DEK: variants seen among roughly 807,000 people sequenced by gnomAD.
DEK encodes the protein protein DEK.
DEK carries 28 observed loss-of-function variants against 46.8 expected under a neutral mutation model. That is an observed-to-expected ratio of 0.60 (90% confidence interval 0.44 to 0.82). The LOEUF is 0.82. Ranked by LOEUF, DEK falls within the 40% of genes least tolerant of loss-of-function variation. The pLI is 0.00. For missense variants in DEK, 416 were observed against 430.6 expected, an observed-to-expected ratio of 0.97 and a Z score of 0.30; for synonymous variants, 160 against 144.5, an observed-to-expected ratio of 1.11 and a Z score of -0.77.
At chr6:18,258,501 A>G (rs1176812254) in intron 2 of DEK, 96 bp from the exon 3 acceptor site, 7 of 828,290 alleles carry the variant, frequency 8.5e-6, no homozygotes, top group African/African-American at 1.8e-5. Context: ...CCAAAACCTA[A>G]TACTTTATTC....
intron 9 of DEK, among the ~76,000 whole-genome samples, chr6:18,231,720 T>C (rs567464285): frequency 1.4e-4 from 21 of 152,266 alleles, no homozygotes; most frequent in Non-Finnish European, 2.6e-4. Context: ...AGGCAATAAT[T>C]AACAGCCTAC....
chr6:18,259,430 A>AAAAAAAAAAAAAAAAAAAAAAAT (rs1554162685), intron 2 of DEK, among the ~76,000 whole-genome samples: 3 of 96,742 alleles, frequency 3.1e-5, no homozygotes, highest in South Asian at 2.9e-4. Context: ...AAAAAAAAAA[A>AAAAAAAAAAAAAAAAAAAAAAAT]AAATCTAGAA....
At chr6:18,236,346 C>A in intron 9 of DEK, 106 bp downstream of exon 9, 1 of 1,252,232 alleles carries the variant, frequency 8.0e-7, no homozygotes, top group African/African-American at 1.5e-5. Context: ...TTCAATAAAT[C>A]TTTCTTCAAT....
At chr6:18,242,254 T>C (rs112053614) in intron 7 of DEK, among the ~76,000 whole-genome samples, 85 of 152,242 alleles carry the variant, frequency 5.6e-4, no homozygotes, top group African/African-American at 1.9e-3. Flanking sequence ...ACCCAGCTAC[T>C]AGGGTGGCTG....
intron 9 of DEK, among the ~76,000 whole-genome samples, chr6:18,232,642 C>G (rs1790460673): frequency 6.6e-6 from 1 of 152,080 alleles, no homozygotes; most frequent in South Asian, 2.1e-4. Flanking sequence ...ACCTAGGAAT[C>G]CAACTTAACA....
At chr6:18,254,968 T>C (rs902450310) in intron 6 of DEK, among the ~76,000 whole-genome samples, 5 of 152,200 alleles carry the variant, frequency 3.3e-5, no homozygotes, top group African/African-American at 9.6e-5. Context: ...TTTTGATTAA[T>C]GCCATCTCCC....
At position 18,263,996 on chromosome 6, in the gene DEK, C is replaced by T. The variant is rs200774428; in HGVS notation, c.-9G>A. On this transcript the variant is annotated splice_region_variant and 5_prime_UTR_variant, in exon 2 of 11. Transcript: ENST00000652689. ...GGGGCCGAGGCGGACATGCTGTGAA[C>T]CTGCATGCGGGAAGAAAGCCGGACG... 2 of 1,595,042 alleles carry T rather than the reference C, an allele frequency of 1.3e-6. No homozygotes were observed. Among genetic ancestry groups the T allele is most frequent in the African/African-American group, 1.4e-5 (1 of 73,968 alleles).
chr6:18,263,810 A>G, intron 2 of DEK, 33 bp downstream of exon 2: 2 of 1,611,046 alleles, frequency 1.2e-6, no homozygotes, highest in Non-Finnish European at 1.7e-6. Context: ...TTCGGTCTGA[A>G]AAATTCATCA....
chr6:18,226,505 G>A (rs553013294), intron 9 of DEK, among the ~76,000 whole-genome samples: 1 of 152,340 alleles, frequency 6.6e-6, no homozygotes, highest in Admixed American at 6.5e-5. Flanking sequence ...CAAGCCAGAT[G>A]TGATGGCTCA....
At chr6:18,235,680 G>T (rs1008872894) in intron 9 of DEK, among the ~76,000 whole-genome samples, 2 of 152,238 alleles carry the variant, frequency 1.3e-5, no homozygotes, top group Non-Finnish European at 2.9e-5. Context: ...GTAGAGACGG[G>T]ATCTCACTAT....
chr6:18,256,119 C>A (rs915121018), intron 5 of DEK, among the ~76,000 whole-genome samples: 2 of 152,044 alleles, frequency 1.3e-5, no homozygotes, highest in African/African-American at 2.4e-5. Flanking sequence ...TCCCAAGTAG[C>A]TGGGATTACA....
chr6:18,247,682 T>C (rs1027623606), intron 7 of DEK, among the ~76,000 whole-genome samples: 3 of 152,180 alleles, frequency 2.0e-5, no homozygotes, highest in African/African-American at 4.8e-5. Flanking sequence ...GCTCTCGTTT[T>C]TTTTTTTTGA....
Position 18,263,983 on chromosome 6 carries a change from G to A in DEK, c.5C>T (p.Ser2Phe), listed in dbSNP as rs1398996657. The A allele has an allele frequency of 1.2e-6, 2 of 1,608,394 alleles. No individual in the cohort carries two copies. The highest frequency in any genetic ancestry group is 8.5e-7 in the Non-Finnish European group (1 of 1,177,926). ...CCCCTCCGCAGCAGGGGCCGAGGCG[G>A]ACATGCTGTGAACCTGCATGCGGGA... The part of the protein sequence containing the change: M[S>F]ASAPAAEGEG... Residue 2 changes from serine (S) to phenylalanine (F), a missense_variant, in exon 2 of 11, where the codon TCC becomes TTC. Physicochemically the swap from Ser to Phe is radical, Grantham distance 155. Coordinates refer to ENST00000652689, the MANE Select transcript of DEK (RefSeq NM_003472.4).
At position 18,226,290 on chromosome 6, in the gene DEK, T is replaced by A. The variant is rs768115842; in HGVS notation, c.1048-48A>T. 4.7e-6 allele frequency: 6 copies of A among 1,283,186 alleles called. No homozygotes were observed. In the South Asian group the frequency reaches 7.9e-5, roughly 17 times the overall value. The allele number at this position is 1,283,186 out of a possible 1,614,324, so 79.5% of individuals were successfully genotyped here. The stretch of plus-strand genomic sequence containing the variant: ...ATAATGTTAAAAGCAGATTTTAAAA[T>A]CCAGTAATATTGTCTTTGAATAAAA... On this transcript the variant is annotated intron_variant, in intron 9 of 10. Transcript: ENST00000652689.
At chr6:18,242,837 C>G (rs1207039) in intron 7 of DEK, among the ~76,000 whole-genome samples, 1 of 152,104 alleles carries the variant, frequency 6.6e-6, no homozygotes, top group South Asian at 2.1e-4. Flanking sequence ...GTTGAGGTTT[C>G]TAAGATCTAT....
intron 8 of DEK, chr6:18,237,073 A>T (rs1362088340): frequency 4.2e-6 from 1 of 235,884 alleles, no homozygotes; most frequent in Non-Finnish European, 8.1e-6. Context: ...TAATTTATTT[A>T]GTTAAAATAT....
chr6:18,236,353 C>A, intron 9 of DEK, 99 bp downstream of exon 9: 2 of 1,311,816 alleles, frequency 1.5e-6, no homozygotes, highest in South Asian at 2.7e-5. Flanking sequence ...AATCTTTCTT[C>A]AATAAGTGAA....
chr6:18,247,272 G>GA (rs113415735), intron 7 of DEK, among the ~76,000 whole-genome samples: 146 of 151,094 alleles, frequency 9.7e-4, no homozygotes, highest in African/African-American at 3.4e-3. Flanking sequence ...ATTTATCAGG[G>GA]AAAAAAAAGG....
chr6:18,226,707 G>A (rs928041356), intron 9 of DEK, among the ~76,000 whole-genome samples: 5 of 152,190 alleles, frequency 3.3e-5, no homozygotes, highest in Admixed American at 3.3e-4. Context: ...TTGGGCCCAG[G>A]AGGTTGAGGT....
Sources: allele counts gnomAD v4.1 joint callset (sites outside exome capture counted in the v4.1 genomes callset), GRCh38; gene constraint gnomAD v4.1.1; transcripts MANE v1.5; gene names NCBI Gene and HGNC (gene_info 2026-07-23, HGNC 2026-07-21).